ZNF84: variants seen among roughly 807,000 people sequenced by gnomAD.
The protein encoded by ZNF84 is zinc finger protein 84, also known as zinc finger protein HPF2.
A neutral mutation model predicts 14.8 loss-of-function variants in ZNF84; 12 were observed. The ratio of observed to expected loss-of-function variants is 0.81; its 90% CI spans 0.52 to 1.31. The LOEUF (loss-of-function observed/expected upper bound fraction) is 1.31. Among genes scored for constraint, ZNF84 ranks in the 50% most tolerant of loss-of-function variants. The probability of loss-of-function intolerance (pLI) is 0.00; values close to 1 mark genes in which losing one functional copy is unlikely to be tolerated. For synonymous variants in ZNF84, 347 were observed against 291.1 expected, an observed-to-expected ratio of 1.19 and a Z score of -1.96; for missense variants, 859 against 878.6, an observed-to-expected ratio of 0.98 and a Z score of 0.28.
At chr12:133,046,347 G>GTTTTT (rs58214468) in intron 2 of ZNF84, among the ~76,000 whole-genome samples, 1 of 116,406 alleles carries the variant, frequency 8.6e-6, no homozygotes, top group African/African-American at 3.6e-5. Flanking sequence ...AGTCCTCACA[G>GTTTTT]TTTTTTTTTT....
chr12:133,058,952 C>A lies in ZNF84; in HGVS notation c.*20C>A. On this transcript the variant is annotated 3_prime_UTR_variant, in exon 5 of 5. Coordinates refer to ENST00000539354, the MANE Select transcript of ZNF84 (RefSeq NM_001289971.2). ...TCCTAGGAATACAGTTAATAGTAGT[C>A]TTTGACAGATCATCTTGGACTTCAG... 1.9e-6 allele frequency: 3 copies of A among 1,550,862 alleles called. No homozygotes were observed. The highest frequency in any genetic ancestry group is 2.6e-6 in the Non-Finnish European group (3 of 1,154,470).
chr12:133,058,941 T>G lies in ZNF84; in HGVS notation c.*9T>G. ...CAGTAAAAAAATCCTAGGAATACAGTTAATAGTAGTCTTTGACAGATCATC... is the reference window on the plus strand; with the variant it reads ...CAGTAAAAAAATCCTAGGAATACAGGTAATAGTAGTCTTTGACAGATCATC... On this transcript the variant is annotated 3_prime_UTR_variant, in exon 5 of 5. Coordinates refer to ENST00000539354, the MANE Select transcript of ZNF84 (RefSeq NM_001289971.2). The G allele has an allele frequency of 6.3e-7, 1 of 1,577,754 alleles. No individual in the cohort carries two copies. Among genetic ancestry groups the G allele is most frequent in the Non-Finnish European group, 8.6e-7 (1 of 1,166,072 alleles).
At chr12:133,054,474 A>G (rs1954118118) in intron 4 of ZNF84, among the ~76,000 whole-genome samples, 1 of 152,194 alleles carries the variant, frequency 6.6e-6, no homozygotes, top group Non-Finnish European at 1.5e-5. Context: ...ATGACTGTCA[A>G]ACTGTCAGAT....
chr12:133,046,057 G>T (rs2137355730), intron 2 of ZNF84, among the ~76,000 whole-genome samples: 1 of 151,362 alleles, frequency 6.6e-6, no homozygotes, highest in East Asian at 1.9e-4. Flanking sequence ...TTGATTTTCT[G>T]GTGGCATTCT....
chr12:133,051,627 T>C (rs1243181618), intron 4 of ZNF84, among the ~76,000 whole-genome samples: 14 of 152,142 alleles, frequency 9.2e-5, no homozygotes, highest in Admixed American at 8.5e-4. Context: ...AGCAAAAATA[T>C]AGTAACACAT....
intron 4 of ZNF84, among the ~76,000 whole-genome samples, chr12:133,056,175 G>A (rs1954154398): frequency 6.6e-6 from 1 of 152,098 alleles, no homozygotes; most frequent in African/African-American, 2.4e-5. Context: ...TTACTACAGT[G>A]TATAGTTTGT....
chr12:133,058,566 T>G lies in ZNF84; in HGVS notation c.1851T>G (p.His617Gln). 6.2e-7 allele frequency: 1 copy of G among 1,614,066 alleles called. No homozygotes were observed. The highest frequency in any genetic ancestry group is 2.2e-5 in the East Asian group (1 of 44,880). ...AFFEKSELIR[H>Q]LRTHTGEKPY... is the part of the protein sequence containing the mutation. The stretch of plus-strand genomic sequence containing the variant: ...TTGAGAAGTCGGAGCTAATTAGACA[T>G]CTGAGAACTCATACAGGAGAAAAAC... The change falls in exon 5 of 5, where the codon CAT becomes CAG. Residue 617 changes from histidine to glutamine, a missense_variant. Coordinates refer to ENST00000539354, the MANE Select transcript of ZNF84 (RefSeq NM_001289971.2).
rs1954227296 is a variant in ZNF84, at chr12:133,059,828, A to G, written c.*896A>G. The G allele has an allele frequency of 6.6e-6, 1 of 152,206 alleles. No homozygotes were observed. Among genetic ancestry groups the G allele is most frequent in the African/African-American group, 2.4e-5 (1 of 41,458 alleles). 9.4% of individuals were successfully genotyped at this position (152,206 alleles called of 1,614,324 possible). ...ACTACATGAATAAGTACCTTAAGTG[A>G]TAACCCGTTTCTTTTAACTTATAGA... On this transcript the variant is annotated 3_prime_UTR_variant, in exon 5 of 5. Coordinates refer to ENST00000539354, the MANE Select transcript of ZNF84 (RefSeq NM_001289971.2).
At chr12:133,051,456 A>G (rs1954067414) in intron 4 of ZNF84, among the ~76,000 whole-genome samples, 1 of 152,126 alleles carries the variant, frequency 6.6e-6, no homozygotes, top group Non-Finnish European at 1.5e-5. Flanking sequence ...GACTCACGGG[A>G]CTCAGCATAT....
rs946536213 is a variant in ZNF84 at position 133,060,248 on chromosome 12, T to C, written c.*1316T>C. On this transcript the variant is annotated 3_prime_UTR_variant, in exon 5 of 5. Transcript: ENST00000539354. ...GTTGCATAAAATATCTTGTAAAAAT[T>C]AGATGGATAAATGAATTATTAAAAA... is the stretch of plus-strand genomic sequence containing the variant. 3 of 152,160 alleles carry C rather than the reference T, an allele frequency of 2.0e-5. No individual in the cohort carries two copies. Among genetic ancestry groups the C allele is most frequent in the African/African-American group, 7.2e-5 (3 of 41,426 alleles). The allele number at this position is 152,160 out of a possible 1,614,324, so 9.4% of individuals were successfully genotyped here.
rs1192480946 is a variant in ZNF84, at chr12:133,045,959, C to G, written c.16-1996C>G. 8.0e-4 allele frequency among the ~76,000 whole-genome samples: 16 copies of G among 20,016 alleles called. No individual in the cohort carries two copies. The East Asian group carries it at 0.3, about 375-fold the overall frequency. 13.1% of individuals were successfully genotyped at this position (20,016 alleles called of 152,430 possible). A position where few individuals can be genotyped will look rare whatever the true frequency, so the allele number is the denominator to read the frequency against. The stretch of plus-strand genomic sequence containing the variant: ...TGTTCATTTTTAAGTCATTTTCTGT[C>G]TGTTCAAAACAGTTTCTGTTGATCT... On this transcript the variant is annotated intron_variant, in intron 2 of 4. Transcript: ENST00000539354.
At position 133,046,372 on chromosome 12, in the gene ZNF84, T is replaced by G. The variant is rs1390797227; in HGVS notation, c.16-1583T>G. 3.6e-4 allele frequency among the ~76,000 whole-genome samples: 34 copies of G among 93,300 alleles called. 1 individual carries two copies. The highest frequency in any genetic ancestry group is 3.4e-3 in the Admixed American group (26 of 7,582). The allele number at this position is 93,300 out of a possible 152,430, so 61.2% of individuals were successfully genotyped here. A position where few individuals can be genotyped will look rare whatever the true frequency, so the allele number is the denominator to read the frequency against. On this transcript the variant is annotated intron_variant, in intron 2 of 4. Transcript: ENST00000539354. Reference sequence around the variant, plus strand: ...GTTTTTTTTTTTTTTTTTTTTTTTTTTTTTTTTTTTTAAATCAGAGCTGCT... The same window carrying G: ...GTTTTTTTTTTTTTTTTTTTTTTTTGTTTTTTTTTTTAAATCAGAGCTGCT...
intron 2 of ZNF84, 96 bp downstream of exon 2, chr12:133,041,578 C>A: frequency 1.5e-6 from 2 of 1,314,024 alleles, no homozygotes; most frequent in South Asian, 1.2e-5. Flanking sequence ...GTTAAGAAAT[C>A]AGAGGAAAAT....
intron 3 of ZNF84, 109 bp downstream of exon 3, chr12:133,048,190 T>C: frequency 9.2e-7 from 1 of 1,091,784 alleles, no homozygotes; most frequent in South Asian, 1.7e-5. Flanking sequence ...AAATTTTTAA[T>C]GATTTTAGAC....
Position 133,061,565 on chromosome 12 carries a change from T to A in ZNF84, c.*2633T>A, listed in dbSNP as rs1282374915. ...GCAAATGAACAGTTACAGGGTGATG[T>A]TGTACTTTGTGATTTTTGCCCTATT... On this transcript the variant is annotated 3_prime_UTR_variant, in exon 5 of 5. Transcript: ENST00000539354. The A allele has an allele frequency of 3.9e-5, 6 of 152,192 alleles. No individual in the cohort carries two copies. The highest frequency in any genetic ancestry group is 1.2e-4 in the African/African-American group (5 of 41,436). The allele number at this position is 152,192 out of a possible 1,614,324, so 9.4% of individuals were successfully genotyped here.
At chr12:133,050,390 A>G (rs1192038836) in intron 4 of ZNF84, 2 of 397,844 alleles carry the variant, frequency 5.0e-6, no homozygotes, top group East Asian at 7.1e-5. Context: ...GTCCCTGCAT[A>G]CAGACCAATC....
chr12:133,054,075 C>A lies in ZNF84; in HGVS notation c.239-2879C>A, dbSNP rs747892163. Among the ~76,000 whole-genome samples the A allele has an allele frequency of 3.0e-4, 45 of 152,246 alleles. 1 individual carries two copies. The East Asian group carries it at 8.1e-3, about 27-fold the overall frequency. ...ATGTAGATTTTTATTGAAAAATGGG[C>A]CCAGCATGTTGGCTCATGCCTGAAA... On this transcript the variant is annotated intron_variant, in intron 4 of 4. Coordinates refer to ENST00000539354, the MANE Select transcript of ZNF84 (RefSeq NM_001289971.2).
At chr12:133,053,697 T>C (rs1954107019) in intron 4 of ZNF84, among the ~76,000 whole-genome samples, 1 of 151,742 alleles carries the variant, frequency 6.6e-6, no homozygotes, top group African/African-American at 2.4e-5. Context: ...GAGCTATAAT[T>C]GCACCACTAA....
At chr12:133,051,312 A>T (rs1340546295) in intron 4 of ZNF84, among the ~76,000 whole-genome samples, 8 of 152,082 alleles carry the variant, frequency 5.3e-5, no homozygotes, top group Admixed American at 3.9e-4. Flanking sequence ...GTTCTTTTTT[A>T]AAAAATTGAG....
Sources: gnomAD v4.1 joint callset for allele counts (sites outside exome capture counted in the v4.1 genomes callset) on GRCh38, gnomAD v4.1.1 for gene constraint, MANE v1.5 for transcripts, NCBI Gene and HGNC (gene_info 2026-07-23, HGNC 2026-07-21) for gene names.